Variants in KLHL2 observed in about 807,000 individuals in gnomAD.
KLHL2 encodes kelch-like protein 2.
Under a neutral mutation model 75.8 loss-of-function variants are expected in KLHL2, and 15 were observed. That is an observed-to-expected ratio of 0.20 (90% confidence interval 0.13 to 0.30). The LOEUF is 0.30. Ranked by LOEUF, KLHL2 falls within the 10% of genes least tolerant of loss-of-function variation. The pLI is 1.00. For synonymous variants in KLHL2, 214 were observed against 251.9 expected (o/e 0.85, Z 1.42); for missense variants, 381 against 741.0 (o/e 0.51, Z 5.64).
intron 4 of KLHL2, chr4:165,240,497 G>A (rs1444331013): frequency 6.6e-6 from 1 of 151,966 alleles, no homozygotes; most frequent in African/African-American, 2.4e-5. Context: ...GTCAATATTG[G>A]GGTTGTTTCT....
chr4:165,267,034 A>G (rs539928333), intron 5 of KLHL2, among the ~76,000 whole-genome samples: 8 of 152,162 alleles, frequency 5.3e-5, no homozygotes, highest in Admixed American at 1.3e-4. Context: ...GAGGTCCTTC[A>G]TATCCCTTGT....
At chr4:165,313,785 T>C (rs1016390458) in intron 12 of KLHL2, among the ~76,000 whole-genome samples, 1 of 152,176 alleles carries the variant, frequency 6.6e-6, no homozygotes, top group Non-Finnish European at 1.5e-5. Context: ...CACCTACATG[T>C]TATTAATATT....
chr4:165,319,430 C>T lies in KLHL2; in HGVS notation c.1753+1461C>T, dbSNP rs776365316. ...AAAAAGCTGAATTGCTTGAGATATA[C>T]CATGGATTGAGGTCTGCTGCTGCAC... is the stretch of plus-strand genomic sequence containing the variant. On this transcript the variant is annotated intron_variant, in intron 14 of 14. Coordinates refer to ENST00000226725, the MANE Select transcript of KLHL2 (RefSeq NM_007246.4). This position sits in a 1 kb window ranked among gnomAD's most constrained non-coding sequence, Gnocchi z 4.5. Among the ~76,000 whole-genome samples, 8 of 152,282 alleles carry T rather than the reference C, an allele frequency of 5.3e-5. No homozygotes were observed. The highest frequency in any genetic ancestry group is 8.8e-5 in the Non-Finnish European group (6 of 68,018).
intron 3 of KLHL2, among the ~76,000 whole-genome samples, chr4:165,238,520 A>T (rs1282284249): frequency 1.3e-5 from 2 of 152,224 alleles, no homozygotes; most frequent in African/African-American, 2.4e-5. Context: ...AGAATAGTTC[A>T]TGCAGCTGGA....
chr4:165,298,067 C>A (rs1745054496), intron 7 of KLHL2, among the ~76,000 whole-genome samples: 1 of 152,212 alleles, frequency 6.6e-6, no homozygotes, highest in African/African-American at 2.4e-5. Context: ...AAGTGATCTA[C>A]CCGCCTCGGC....
chr4:165,283,828 T>A (rs1042384081), intron 5 of KLHL2, among the ~76,000 whole-genome samples: 4 of 152,236 alleles, frequency 2.6e-5, no homozygotes, highest in Non-Finnish European at 5.9e-5. Flanking sequence ...AACTTCTGCC[T>A]GGGCATACAG....
At chr4:165,248,582 C>G (rs892782709) in intron 4 of KLHL2, among the ~76,000 whole-genome samples, 1 of 152,156 alleles carries the variant, frequency 6.6e-6, no homozygotes, top group African/African-American at 2.4e-5. Context: ...CTTAAAGCAG[C>G]ATTTTTGTTT....
intron 7 of KLHL2, among the ~76,000 whole-genome samples, chr4:165,298,459 C>G (rs543577959): frequency 1.3e-5 from 2 of 151,800 alleles, no homozygotes; most frequent in Non-Finnish European, 2.9e-5. Context: ...TTAGTGGTCT[C>G]CAAATAATTT....
intron 1 of KLHL2, chr4:165,209,943 C>T (rs955071994): frequency 7.4e-6 from 10 of 1,347,988 alleles, no homozygotes; most frequent in Non-Finnish European, 9.8e-6. Context: ...CCATTAACAT[C>T]CCTCCACCAT....
At chr4:165,294,221 T>A (rs1744735913) in intron 5 of KLHL2, 138 bp from the exon 6 acceptor site, 1 of 572,744 alleles carries the variant, frequency 1.7e-6, no homozygotes, top group African/African-American at 1.9e-5. Flanking sequence ...TTTGTCTTGT[T>A]AGTTCTTGCC....
At chr4:165,290,248 T>C (rs1744407332) in intron 5 of KLHL2, among the ~76,000 whole-genome samples, 1 of 152,048 alleles carries the variant, frequency 6.6e-6, no homozygotes, top group Non-Finnish European at 1.5e-5. Context: ...GCACAGGTGA[T>C]CTTCCTACCT....
chr4:165,274,577 C>G (rs1160608879), intron 5 of KLHL2, among the ~76,000 whole-genome samples: 1 of 149,808 alleles, frequency 6.7e-6, no homozygotes, highest in East Asian at 2.0e-4. Flanking sequence ...CCACTGCACT[C>G]CAGCCTGGGT....
intron 9 of KLHL2, among the ~76,000 whole-genome samples, chr4:165,307,102 G>A (rs1745790999): frequency 6.6e-6 from 1 of 152,210 alleles, no homozygotes; most frequent in African/African-American, 2.4e-5. Context: ...AAGGTCAGAA[G>A]CTTGAGACCA....
Position 165,207,788 on chromosome 4 carries a change from C to A in KLHL2, c.-89C>A. On this transcript the variant is annotated 5_prime_UTR_variant, in exon 1 of 15. The change creates a premature stop within an existing upstream ORF in the 5' untranslated region. Transcript: ENST00000226725. The surrounding 1 kb of genome is among the most constrained non-coding windows in gnomAD (Gnocchi z 4.2). Reference sequence around the variant, plus strand: ...CCTCCGGGGCGGATGGAACGCGGCTCGGCGGGCGGGCAGTGCCGGCGTCCG... The same window carrying A: ...CCTCCGGGGCGGATGGAACGCGGCTAGGCGGGCGGGCAGTGCCGGCGTCCG... The A allele has an allele frequency of 8.3e-7, 1 of 1,202,492 alleles. No homozygotes were observed. Among genetic ancestry groups the A allele is most frequent in the Non-Finnish European group, 1.1e-6 (1 of 898,330 alleles). The allele number at this position is 1,202,492 out of a possible 1,614,324, so 74.5% of individuals were successfully genotyped here. A position where few individuals can be genotyped will look rare whatever the true frequency, so the allele number is the denominator to read the frequency against.
chr4:165,315,520 C>G (rs1363436546), intron 13 of KLHL2, among the ~76,000 whole-genome samples: 1 of 152,164 alleles, frequency 6.6e-6, no homozygotes, highest in Non-Finnish European at 1.5e-5. Context: ...GTTTTTCCTT[C>G]TCAATCAATG....
chr4:165,238,037 TC>T (rs1396536010), intron 3 of KLHL2, among the ~76,000 whole-genome samples: 3 of 152,176 alleles, frequency 2.0e-5, no homozygotes, highest in Non-Finnish European at 4.4e-5. Context: ...TTTACTGTTT[TC>T]TTTGCAGGCA....
chr4:165,213,701 C>G (rs188773089), intron 1 of KLHL2, among the ~76,000 whole-genome samples: 34 of 152,284 alleles, frequency 2.2e-4, no homozygotes, highest in African/African-American at 7.7e-4. Context: ...ATGTTTCTTA[C>G]CCTTCTTAGT....
intron 14 of KLHL2, among the ~76,000 whole-genome samples, chr4:165,321,807 G>A (rs989651181): frequency 3.3e-5 from 5 of 152,112 alleles, no homozygotes; most frequent in African/African-American, 1.2e-4. Context: ...GAAAAGACTA[G>A]TTCTGGATTA....
intron 1 of KLHL2, among the ~76,000 whole-genome samples, chr4:165,215,834 A>G (rs972216055): frequency 6.6e-6 from 1 of 151,916 alleles, no homozygotes; most frequent in Non-Finnish European, 1.5e-5. Flanking sequence ...GACTTTTGTT[A>G]TTATTATTAT....
Sources: gnomAD v4.1 joint callset for allele counts (sites outside exome capture counted in the v4.1 genomes callset) on GRCh38, gnomAD v4.1.1 for gene constraint, Gnocchi (gnomAD v3.1) non-coding constraint, MANE v1.5 for transcripts, NCBI Gene and HGNC (gene_info 2026-07-23, HGNC 2026-07-21) for gene names.